Variants in ATE1 observed in about 807,000 individuals in gnomAD.
ATE1 encodes arginyltransferase 1.
A neutral mutation model predicts 70.5 loss-of-function variants in ATE1; 36 were observed. The ratio of observed to expected loss-of-function variants is 0.51; its 90% CI spans 0.39 to 0.67. The LOEUF is 0.67. Ranked by LOEUF, ATE1 falls within the 30% of genes least tolerant of loss-of-function variation. The probability of loss-of-function intolerance (pLI) is 0.00; values close to 1 mark genes in which losing one functional copy is unlikely to be tolerated. For missense variants in ATE1, 593 were observed against 629.5 expected, an observed-to-expected ratio of 0.94 and a Z score of 0.62; for synonymous variants, 232 against 219.3, an observed-to-expected ratio of 1.06 and a Z score of -0.51.
At chr10:121,853,625 T>A (rs1949139457) in intron 8 of ATE1, among the ~76,000 whole-genome samples, 1 of 152,128 alleles carries the variant, frequency 6.6e-6, no homozygotes, top group African/African-American at 2.4e-5. Context: ...TAATGTGTAA[T>A]TATTAAATAG....
At chr10:121,747,777 G>A (rs763923447) in intron 11 of ATE1, among the ~76,000 whole-genome samples, 1 of 152,136 alleles carries the variant, frequency 6.6e-6, no homozygotes, top group South Asian at 2.1e-4. Context: ...CCAACCAAAG[G>A]GGAAAGTCCA....
chr10:121,793,207 C>G (rs1287883340), intron 10 of ATE1, among the ~76,000 whole-genome samples: 1 of 152,006 alleles, frequency 6.6e-6, no homozygotes, highest in Admixed American at 6.5e-5. Context: ...AAAACCATAA[C>G]AAATTATCAT....
At chr10:121,869,408 T>C (rs2134014597) in intron 8 of ATE1, among the ~76,000 whole-genome samples, 1 of 152,352 alleles carries the variant, frequency 6.6e-6, no homozygotes, top group East Asian at 1.9e-4. Flanking sequence ...TCTAGTTCTC[T>C]AAACATCTAA....
chr10:121,913,652 G>T, intron 4 of ATE1, 138 bp downstream of exon 4: 1 of 526,484 alleles, frequency 1.9e-6, no homozygotes, highest in Non-Finnish European at 3.4e-6. Flanking sequence ...AGTAATAGCA[G>T]TGCTAACAGT....
chr10:121,832,068 G>C (rs928687477), intron 10 of ATE1, among the ~76,000 whole-genome samples: 1 of 152,168 alleles, frequency 6.6e-6, no homozygotes, highest in African/African-American at 2.4e-5. Context: ...CACACACCCT[G>C]ACTAGTCCTC....
At chr10:121,791,035 T>TATGTATAC (rs1367164362) in intron 10 of ATE1, among the ~76,000 whole-genome samples, 1 of 149,996 alleles carries the variant, frequency 6.7e-6, no homozygotes, top group East Asian at 1.9e-4. Flanking sequence ...TATATGTATA[T>TATGTATAC]ATGTGTATAT....
At chr10:121,754,244 C>T (rs1944704815) in intron 11 of ATE1, among the ~76,000 whole-genome samples, 1 of 152,188 alleles carries the variant, frequency 6.6e-6, no homozygotes. Flanking sequence ...ACTTATTACT[C>T]ACATCTTGTA....
chr10:121,900,296 C>T (rs574653713), intron 6 of ATE1, among the ~76,000 whole-genome samples: 6 of 152,240 alleles, frequency 3.9e-5, no homozygotes, highest in Admixed American at 2.6e-4. Context: ...CGTACACACA[C>T]GACACATACA....
intron 7 of ATE1, among the ~76,000 whole-genome samples, chr10:121,888,503 C>CA (rs1950478149): frequency 6.6e-6 from 1 of 152,140 alleles, no homozygotes; most frequent in Admixed American, 6.5e-5. Flanking sequence ...AAATGAAGGA[C>CA]AACCGACATT....
At chr10:121,881,230 C>T (rs1250665219) in intron 7 of ATE1, among the ~76,000 whole-genome samples, 2 of 152,130 alleles carry the variant, frequency 1.3e-5, no homozygotes, top group Middle Eastern at 3.2e-3. Flanking sequence ...CTCATTCATT[C>T]AAAACATGTT....
At position 121,849,088 on chromosome 10, in the gene ATE1, G is replaced by A. The variant is rs149915273; in HGVS notation, c.976-7825C>T. ...TAGCCAGGCATGGTGGCACACACCT[G>A]TAATCCCAGCTACTCAGGAGGCTGA... On this transcript the variant is annotated intron_variant, in intron 8 of 11. Coordinates refer to ENST00000224652, the MANE Select transcript of ATE1 (RefSeq NM_001001976.3). Among the ~76,000 whole-genome samples the A allele has an allele frequency of 3.9e-3, 592 of 151,610 alleles. 3 individuals carry two copies. Among genetic ancestry groups the A allele is most frequent in the African/African-American group, 0.014 (563 of 41,288 alleles).
chr10:121,740,745 T>C lies in ATE1; in HGVS notation c.*2935A>G, dbSNP rs1219698610. ...GTTCAGAAATCTGGAAAGGTTCTTT[T>C]ACATAATAGATTCTGACACGTTAAG... On this transcript the variant is annotated 3_prime_UTR_variant, in exon 12 of 12. Coordinates refer to ENST00000224652, the MANE Select transcript of ATE1 (RefSeq NM_001001976.3). 6.6e-6 allele frequency: 1 copy of C among 152,198 alleles called. No homozygotes were observed. The highest frequency in any genetic ancestry group is 1.5e-5 in the Non-Finnish European group (1 of 68,026). The allele number at this position is 152,198 out of a possible 1,614,324, so 9.4% of individuals were successfully genotyped here. A position where few individuals can be genotyped will look rare whatever the true frequency, so the allele number is the denominator to read the frequency against.
At chr10:121,910,370 TG>T (rs1281275602) in intron 5 of ATE1, among the ~76,000 whole-genome samples, 1 of 152,224 alleles carries the variant, frequency 6.6e-6, no homozygotes, top group Non-Finnish European at 1.5e-5. Context: ...CATTTAATAC[TG>T]GATAAACTTA....
chr10:121,743,877 C>T lies in ATE1; in HGVS notation c.1379-19G>A. 6.6e-7 allele frequency: 1 copy of T among 1,511,036 alleles called. No individual in the cohort carries two copies. The highest frequency in any genetic ancestry group is 9.0e-7 in the Non-Finnish European group (1 of 1,117,016). The allele number at this position is 1,511,036 out of a possible 1,614,324, so 93.6% of individuals were successfully genotyped here. On this transcript the variant is annotated intron_variant, in intron 11 of 11. Coordinates refer to ENST00000224652, the MANE Select transcript of ATE1 (RefSeq NM_001001976.3). ...TCATCCACTGCAACGACAAAAAATA[C>T]TGATTTGTAAAATGTCACATATCAA...
At position 121,804,922 on chromosome 10, in the gene ATE1, G is replaced by A. The variant is rs1027642768; in HGVS notation, c.1258-14633C>T. Among the ~76,000 whole-genome samples the A allele has an allele frequency of 2.0e-5, 3 of 152,168 alleles. No individual in the cohort carries two copies. In the East Asian group the frequency reaches 5.8e-4, roughly 29 times the overall value. ...TTACTAACTTCTTTTTATCTTCACAGAGACTATTTATTAAGGGAGTTTTAA... is the reference window on the plus strand; with the variant it reads ...TTACTAACTTCTTTTTATCTTCACAAAGACTATTTATTAAGGGAGTTTTAA... On this transcript the variant is annotated intron_variant, in intron 10 of 11. Coordinates refer to ENST00000224652, the MANE Select transcript of ATE1 (RefSeq NM_001001976.3).
At chr10:121,896,414 T>G (rs1950780862) in intron 7 of ATE1, among the ~76,000 whole-genome samples, 1 of 152,228 alleles carries the variant, frequency 6.6e-6, no homozygotes, top group Non-Finnish European at 1.5e-5. Flanking sequence ...AATGGCAGCA[T>G]GTTGAGGCTA....
intron 8 of ATE1, among the ~76,000 whole-genome samples, chr10:121,847,452 A>C (rs1431695252): frequency 6.7e-6 from 1 of 150,206 alleles, no homozygotes; most frequent in Non-Finnish European, 1.5e-5. Context: ...TGTCTCAAAA[A>C]TAGTAATAAT....
chr10:121,754,523 C>T lies in ATE1; in HGVS notation c.1379-10665G>A, dbSNP rs190379448. Among the ~76,000 whole-genome samples, 388 of 152,184 alleles carry T rather than the reference C, an allele frequency of 2.5e-3. 3 individuals are homozygous for T. Among genetic ancestry groups the T allele is most frequent in the African/African-American group, 9.2e-3 (381 of 41,520 alleles). ...TTGATTAGAATGAGATTCCGTGAGTCAATATAAACAACAAACAGGGAAAGA... is the reference window on the plus strand; with the variant it reads ...TTGATTAGAATGAGATTCCGTGAGTTAATATAAACAACAAACAGGGAAAGA... On this transcript the variant is annotated intron_variant, in intron 11 of 11. Coordinates refer to ENST00000224652, the MANE Select transcript of ATE1 (RefSeq NM_001001976.3).
chr10:121,922,693 C>G (rs1464899095), intron 2 of ATE1, among the ~76,000 whole-genome samples: 1 of 152,148 alleles, frequency 6.6e-6, no homozygotes, highest in East Asian at 1.9e-4. Context: ...CTTCACCTGC[C>G]ACCAATCCCC....
Sources: gnomAD v4.1 joint callset for allele counts (sites outside exome capture counted in the v4.1 genomes callset) on GRCh38, gnomAD v4.1.1 for gene constraint, MANE v1.5 for transcripts, NCBI Gene and HGNC (gene_info 2026-07-23, HGNC 2026-07-21) for gene names.